ACSL4: variants seen among roughly 807,000 people sequenced by gnomAD.
ACSL4 encodes the protein acyl-CoA synthetase long chain family member 4, also known as long-chain-fatty-acid--CoA ligase 4.
ACSL4 carries 9 observed loss-of-function variants against 49.1 expected under a neutral mutation model. That is an observed-to-expected ratio of 0.18 (90% CI 0.11 to 0.32). The LOEUF is 0.32. Ranked by LOEUF, ACSL4 falls within the 10% of genes least tolerant of loss-of-function variation. The pLI is 1.00. For synonymous variants in ACSL4, 191 were observed against 170.3 expected, an observed-to-expected ratio of 1.12 and a Z score of -0.95; for missense variants, 333 against 493.7, an observed-to-expected ratio of 0.67 and a Z score of 3.08.
intron 6 of ACSL4, among the ~76,000 whole-genome samples, chrX:109,679,079 C>T (rs1268116124): frequency 8.9e-6 from 1 of 111,849 alleles, no homozygotes; most frequent in Non-Finnish European, 1.9e-5. Flanking sequence ...ATCAGAATCA[C>T]GTGCAGAACT....
At position 109,663,382 on chromosome X, in the gene ACSL4, T is replaced by C; in HGVS notation, c.1411A>G (p.Lys471Glu). 8.3e-7 allele frequency: 1 copy of C among 1,208,615 alleles called. No homozygotes were observed. The highest frequency in any genetic ancestry group is 1.1e-6 in the Non-Finnish European group (1 of 892,683). ...ACGATTTCACCTCTGGGGTTTGGCT[T>C]GTCATTAATTGTATAACCGCCTGGA... is the stretch of plus-strand genomic sequence containing the variant. ...WQEGGYTIND[K>E]PNPRGEIVIG... The change falls in exon 13 of 16, where the codon AAG becomes GAG. Residue 471 changes from lysine (K) to glutamate (E), a missense_variant. Around this residue, in one of 3 missense-constraint regions of ACSL4, gnomAD observed 175 missense variants for 275.8 expected, o/e 0.63. Coordinates refer to ENST00000672401, the MANE Select transcript of ACSL4 (RefSeq NM_001318510.2).
At chrX:109,685,088 C>CTTTTTTTTTT (rs1203140186) in intron 2 of ACSL4, among the ~76,000 whole-genome samples, 22 of 77,421 alleles carry the variant, frequency 2.8e-4, no homozygotes, top group East Asian at 8.2e-4. Context: ...TCTTTTCTTT[C>CTTTTTTTTTT]TTTTTTTTTT....
intron 2 of ACSL4, among the ~76,000 whole-genome samples, chrX:109,688,463 T>C (rs895367345): frequency 1.8e-5 from 2 of 111,793 alleles, no homozygotes; most frequent in African/African-American, 6.5e-5. Context: ...TTAAAAAACA[T>C]TCCCTCCTTT....
intron 15 of ACSL4, among the ~76,000 whole-genome samples, chrX:109,646,730 T>C (rs1444647174): frequency 1.2e-4 from 13 of 110,952 alleles, no homozygotes; most frequent in Middle Eastern, 4.2e-3. Context: ...GACTGGCAAA[T>C]TGGATACAGA....
At chrX:109,669,923 T>C (rs998501403) in intron 9 of ACSL4, among the ~76,000 whole-genome samples, 1 of 112,128 alleles carries the variant, frequency 8.9e-6, no homozygotes, top group South Asian at 3.7e-4. Context: ...TAAGTATCTA[T>C]AGTTTAAGCA....
chrX:109,726,790 C>T (rs1471437283), intron 1 of ACSL4, among the ~76,000 whole-genome samples: 1 of 111,951 alleles, frequency 8.9e-6, no homozygotes. Flanking sequence ...GGGATCCTCC[C>T]ACTTCAGCCT....
intron 1 of ACSL4, among the ~76,000 whole-genome samples, chrX:109,731,302 T>C (rs764960659): frequency 7.3e-4 from 81 of 110,368 alleles, no homozygotes; most frequent in Non-Finnish European, 2.8e-4. Context: ...ATTATAAGAA[T>C]ATATCATTCA....
intron 15 of ACSL4, among the ~76,000 whole-genome samples, chrX:109,659,040 T>C (rs1460133003): frequency 8.9e-6 from 1 of 111,833 alleles, no homozygotes; most frequent in Non-Finnish European, 1.9e-5. Flanking sequence ...AAACTTAGAG[T>C]TACTAATTTC....
At chrX:109,682,548 C>T (rs1000437938) in intron 4 of ACSL4, among the ~76,000 whole-genome samples, 171 bp downstream of exon 4, 6 of 110,147 alleles carry the variant, frequency 5.4e-5, no homozygotes, top group African/African-American at 2.0e-4. Context: ...CCATACTTAA[C>T]AGGAGTCATC....
At chrX:109,715,610 G>A (rs927740126) in intron 1 of ACSL4, among the ~76,000 whole-genome samples, 3 of 110,136 alleles carry the variant, frequency 2.7e-5, no homozygotes, top group Admixed American at 9.8e-5. Flanking sequence ...ACTGCACTCC[G>A]ACTGCATCTC....
chrX:109,692,567 G>C (rs1705180869), intron 2 of ACSL4, among the ~76,000 whole-genome samples: 1 of 111,878 alleles, frequency 8.9e-6, no homozygotes, highest in Non-Finnish European at 1.9e-5. Context: ...TATGTGTTTA[G>C]AGAGCAATAC....
At chrX:109,701,183 A>G (rs1387158279) in intron 1 of ACSL4, among the ~76,000 whole-genome samples, 1 of 111,570 alleles carries the variant, frequency 9.0e-6, no homozygotes. Flanking sequence ...GTAACTTTGA[A>G]GCCTTTTTTC....
chrX:109,709,823 G>A (rs914879643), intron 1 of ACSL4, among the ~76,000 whole-genome samples: 1 of 112,130 alleles, frequency 8.9e-6, no homozygotes, highest in Non-Finnish European at 1.9e-5. Context: ...AAATGAAGGC[G>A]AGGCCGGGTG....
chrX:109,674,979 G>A (rs1160159419), intron 8 of ACSL4, among the ~76,000 whole-genome samples: 1 of 112,507 alleles, frequency 8.9e-6, no homozygotes, highest in Non-Finnish European at 1.9e-5. Flanking sequence ...CAGGGACAAA[G>A]TAGAGATACA....
At chrX:109,682,496 T>A (rs766269704) in intron 4 of ACSL4, among the ~76,000 whole-genome samples, 1 of 100,388 alleles carries the variant, frequency 1.0e-5, no homozygotes, top group African/African-American at 3.8e-5. Flanking sequence ...GTAAATCACA[T>A]CCCTTAAAGC....
intron 9 of ACSL4, among the ~76,000 whole-genome samples, chrX:109,670,149 T>C: frequency 8.9e-6 from 1 of 112,617 alleles, no homozygotes. Flanking sequence ...AGCACATCTG[T>C]TTATAAATAC....
chrX:109,643,499 G>C lies in ACSL4; in HGVS notation c.*530C>G, dbSNP rs1392657686. The C allele has an allele frequency of 8.6e-6, 1 of 116,168 alleles. No individual in the cohort carries two copies. The highest frequency in any genetic ancestry group is 1.8e-5 in the Non-Finnish European group (1 of 55,823). 9.6% of individuals were successfully genotyped at this position (116,168 alleles called of 1,213,427 possible). The stretch of plus-strand genomic sequence containing the variant: ...CAATTATAATCTTAATACCTTCTAA[G>C]GTATTATTTGATTTTGTGTATTATA... On this transcript the variant is annotated 3_prime_UTR_variant, in exon 16 of 16. Coordinates refer to ENST00000672401, the MANE Select transcript of ACSL4 (RefSeq NM_001318510.2).
At chrX:109,690,758 AGG>A (rs377016860) in intron 2 of ACSL4, among the ~76,000 whole-genome samples, 81 of 73,232 alleles carry the variant, frequency 1.1e-3, no homozygotes, top group Non-Finnish European at 1.6e-3. Flanking sequence ...AAGACATTTT[AGG>A]GGGGGGGGGC....
chrX:109,712,311 C>G (rs1273027805), intron 1 of ACSL4, among the ~76,000 whole-genome samples: 2 of 111,499 alleles, frequency 1.8e-5, no homozygotes, highest in African/African-American at 6.5e-5. Context: ...CTTGCCCAGG[C>G]TGGTCTCAAA....
Sources: allele counts gnomAD v4.1 joint callset (sites outside exome capture counted in the v4.1 genomes callset), GRCh38; gene constraint gnomAD v4.1.1; regional missense constraint gnomAD v4.1.1; transcripts MANE v1.5; gene names NCBI Gene and HGNC (gene_info 2026-07-23, HGNC 2026-07-21).